HAVCR1: variants seen among roughly 807,000 people sequenced by gnomAD.
HAVCR1 encodes the protein hepatitis A virus cellular receptor 1, also known as T cell immunoglobin domain and mucin domain protein 1.
HAVCR1 carries 34 observed loss-of-function variants against 32.0 expected under a neutral mutation model. That is an observed-to-expected ratio of 1.06 (90% CI 0.81 to 1.42). HAVCR1 has a LOEUF of 1.42. Ranked by LOEUF, HAVCR1 falls within the 40% of genes most tolerant of loss-of-function variation. The pLI, the probability that HAVCR1 is intolerant of heterozygous loss-of-function variation, is 0.00. For missense variants in HAVCR1, 420 were observed against 442.3 expected (o/e 0.95, Z 0.45); for synonymous variants, 178 against 170.3 (o/e 1.05, Z -0.35).
At chr5:157,032,743 T>A in intron 8 of HAVCR1, 111 bp downstream of exon 8, 1 of 720,460 alleles carries the variant, frequency 1.4e-6, no homozygotes, top group Non-Finnish European at 2.5e-6. Flanking sequence ...TAAAGTGGAC[T>A]GTCAGGATCC....
chr5:157,060,901 A>AT (rs34856460), upstream of HAVCR1, among the ~76,000 whole-genome samples: 84,899 of 149,054 alleles, frequency 0.57, 24,943 homozygotes, highest in East Asian at 0.84. Flanking sequence ...GGCATTTTTA[A>AT]TTTTTTTTTT....
intron 8 of HAVCR1, among the ~76,000 whole-genome samples, chr5:157,031,358 A>G (rs1413707092): frequency 6.6e-6 from 1 of 152,194 alleles, no homozygotes; most frequent in Non-Finnish European, 1.5e-5. Context: ...GACTTAATAG[A>G]TGGCAGCCTA....
At chr5:157,061,657 AGATCATGCCACTG>A (rs1756491848), upstream of HAVCR1, among the ~76,000 whole-genome samples, 1 of 152,078 alleles carries the variant, frequency 6.6e-6, no homozygotes, top group Admixed American at 6.6e-5. Flanking sequence ...CCCTGAGCGG[AGATCATGCCACTG>A]CACTCTGGCC....
chr5:157,055,483 T>C lies in HAVCR1; in HGVS notation c.97A>G (p.Thr33Ala), dbSNP rs763305471. The change falls in exon 3 of 9, where the codon ACA becomes GCA. Residue 33 changes from threonine (T) to alanine (A), a missense_variant. Thr to Ala is a moderately conservative substitution (Grantham distance 58). Transcript: ENST00000523175. ...GCTCCACTGTAGTGGCAGGGTAGTG[T>C]GACAGATGGACCTGCCTCTCCACCA... ...KVGGEAGPSV[T>A]LPCHYSGAVT... The C allele has an allele frequency of 7.5e-6, 12 of 1,605,382 alleles. No homozygotes were observed. Among genetic ancestry groups the C allele is most frequent in the Non-Finnish European group, 1.0e-5 (12 of 1,174,178 alleles).
the HAVCR1 span, among the ~76,000 whole-genome samples, chr5:157,068,476 A>G: frequency 6.6e-6 from 1 of 151,836 alleles, no homozygotes; most frequent in Non-Finnish European, 1.5e-5. Context: ...AGTCCCAGCT[A>G]CTCAGGAGGC....
chr5:157,034,025 C>T (rs1754343203), intron 7 of HAVCR1, among the ~76,000 whole-genome samples: 1 of 152,184 alleles, frequency 6.6e-6, no homozygotes, highest in South Asian at 2.1e-4. Context: ...CCCCTCCACA[C>T]CTGTGGGTAT....
chr5:157,056,587 A>G (rs547577537), intron 2 of HAVCR1, among the ~76,000 whole-genome samples: 17 of 151,462 alleles, frequency 1.1e-4, no homozygotes, highest in South Asian at 4.2e-4. Flanking sequence ...TCACCATGTT[A>G]GCCAGGATGG....
At chr5:157,055,588 G>A (rs1756081515) in intron 2 of HAVCR1, 55 bp from the exon 3 acceptor site, 4 of 1,114,824 alleles carry the variant, frequency 3.6e-6, no homozygotes, top group East Asian at 4.8e-5. Context: ...CATCTTGGCT[G>A]GGCACAATGG....
chr5:157,055,332 A>C lies in HAVCR1; in HGVS notation c.248T>G (p.Leu83Arg). The C allele has an allele frequency of 6.2e-7, 1 of 1,613,220 alleles. No homozygotes were observed. Among genetic ancestry groups the C allele is most frequent in the South Asian group, 1.1e-5 (1 of 91,060 alleles). Residue 83 changes from leucine (L) to arginine (R), a missense_variant, in exon 3 of 9, where the codon CTT (leucine) becomes CGT (arginine). Leu to Arg is a moderately radical substitution (Grantham distance 102). Transcript: ENST00000523175. ...GGTCAAAGAGACATCCCTTCTTGAA[A>C]GGTCCCCCAATAGCTTATAGCGTGT... ...KDTRYKLLGD[L>R]SRRDVSLTIE... is the part of the protein sequence containing the mutation.
chr5:157,062,236 G>C (rs11952686), upstream of HAVCR1, among the ~76,000 whole-genome samples: 5 of 152,060 alleles, frequency 3.3e-5, no homozygotes, highest in East Asian at 7.7e-4. Context: ...GGCCGGGCAC[G>C]GTGGTGGGTG....
Position 157,055,348 on chromosome 5 carries a change from T to C in HAVCR1, c.232A>G (p.Lys78Glu), listed in dbSNP as rs1756059348. Residue 78 changes from lysine to glutamate, a missense_variant, in exon 3 of 9, where the codon AAG becomes GAG. Transcript: ENST00000523175. ...CTTCTTGAAAGGTCCCCCAATAGCT[T>C]ATAGCGTGTGTCCTTCCGATAGGTG... is the stretch of plus-strand genomic sequence containing the variant. ...HVTYRKDTRY[K>E]LLGDLSRRDV... 1.2e-6 allele frequency: 2 copies of C among 1,613,428 alleles called. No homozygotes were observed. Among genetic ancestry groups the C allele is most frequent in the Admixed American group, 1.7e-5 (1 of 59,988 alleles).
chr5:157,044,230 G>T (rs912938855), intron 5 of HAVCR1, among the ~76,000 whole-genome samples: 6 of 151,690 alleles, frequency 4.0e-5, no homozygotes, highest in Non-Finnish European at 8.8e-5. Flanking sequence ...TACTTGGGAG[G>T]CTGAGACACA....
chr5:157,044,285 T>C (rs865931119), intron 5 of HAVCR1, among the ~76,000 whole-genome samples: 2 of 148,836 alleles, frequency 1.3e-5, no homozygotes, highest in African/African-American at 5.0e-5. Flanking sequence ...TGAGCCAAGA[T>C]TGTGCCACTG....
At chr5:157,068,404 C>T in the HAVCR1 span, among the ~76,000 whole-genome samples, 9 of 151,990 alleles carry the variant, frequency 5.9e-5, no homozygotes, top group Non-Finnish European at 1.0e-4. Context: ...GGCAACATAG[C>T]GAAACCGTAT....
chr5:157,033,675 A>C (rs1754314665), intron 7 of HAVCR1, among the ~76,000 whole-genome samples: 1 of 152,072 alleles, frequency 6.6e-6, no homozygotes, highest in Non-Finnish European at 1.5e-5. Flanking sequence ...GTCCTGCCCT[A>C]CAGTCTGTTC....
upstream of HAVCR1, among the ~76,000 whole-genome samples, chr5:157,059,812 C>T (rs1489689446): frequency 1.3e-5 from 1 of 79,064 alleles, no homozygotes; most frequent in African/African-American, 5.0e-5. Flanking sequence ...AGCAAGACTC[C>T]CTCTCTGCAA....
chr5:157,052,600 C>G lies in HAVCR1; in HGVS notation c.434G>C (p.Arg145Pro). Reference sequence around the variant, plus strand: ...TGTCGTTGGAACAGTGGTGCTCGTTCGAACAGTCGTGACGGTTGGAACAGT... The same window carrying G: ...TGTCGTTGGAACAGTGGTGCTCGTTGGAACAGTCGTGACGGTTGGAACAGT... ...VTTVPTVTTVRTSTTVPTTTT... is the reference protein window; with the variant it reads ...VTTVPTVTTVPTSTTVPTTTT... The change falls in exon 4 of 9, where the codon CGA becomes CCA. Residue 145 changes from arginine (R) to proline (P), a missense_variant. Arg to Pro is a moderately radical substitution (Grantham distance 103). Coordinates refer to ENST00000523175, the MANE Select transcript of HAVCR1 (RefSeq NM_001173393.3). 1.2e-6 allele frequency: 2 copies of G among 1,612,046 alleles called. No homozygotes were observed.
intron 7 of HAVCR1, among the ~76,000 whole-genome samples, chr5:157,037,021 CA>C (rs1754576626): frequency 6.6e-6 from 1 of 152,162 alleles, no homozygotes; most frequent in African/African-American, 2.4e-5. Flanking sequence ...TAAGACCCCA[CA>C]CCCAGCTCCC....
intron 8 of HAVCR1, among the ~76,000 whole-genome samples, chr5:157,032,532 C>T (rs556020205): frequency 5.3e-4 from 80 of 151,948 alleles, no homozygotes; most frequent in African/African-American, 1.7e-3. Context: ...AAAGACAAAG[C>T]GTTAAACGAA....
Sources: gnomAD v4.1 joint callset for allele counts (sites outside exome capture counted in the v4.1 genomes callset) on GRCh38, gnomAD v4.1.1 for gene constraint, MANE v1.5 for transcripts, NCBI Gene and HGNC (gene_info 2026-07-23, HGNC 2026-07-21) for gene names.